The following SRGAP3 variants were observed in gnomAD, a reference collection of about 807,000 sequenced individuals.
SRGAP3 encodes SLIT-ROBO Rho GTPase activating protein 3, also known as SLIT-ROBO Rho GTPase-activating protein 3.
In SRGAP3, 39 loss-of-function variants were observed where a neutral mutation model predicts 121.1. The observed-to-expected ratio is 0.32, with a 90% CI of 0.25 to 0.42. The LOEUF (loss-of-function observed/expected upper bound fraction) is 0.42. Ranked by LOEUF, SRGAP3 falls within the 10% of genes least tolerant of loss-of-function variation. The pLI, the probability that SRGAP3 is intolerant of heterozygous loss-of-function variation, is 1.00. For missense variants in SRGAP3, 1,213 were observed against 1,470.6 expected, an observed-to-expected ratio of 0.82 and a Z score of 2.86; for synonymous variants, 601 against 570.0, an observed-to-expected ratio of 1.05 and a Z score of -0.77.
chr3:9,176,901 C>A (rs975430884), intron 1 of SRGAP3, among the ~76,000 whole-genome samples: 1 of 152,200 alleles, frequency 6.6e-6, no homozygotes, highest in Non-Finnish European at 1.5e-5. Context: ...GAGATTTGGG[C>A]AGGGACAAAT....
intron 1 of SRGAP3, among the ~76,000 whole-genome samples, chr3:9,131,433 C>CTTTTTTTT (rs869155697): frequency 5.5e-5 from 5 of 90,222 alleles, no homozygotes; most frequent in Non-Finnish European, 1.0e-4. Flanking sequence ...AGATCTAATT[C>CTTTTTTTT]TTTTTTTTTT....
At chr3:9,316,191 G>T (rs772531805) in intron 3 of SRGAP3, among the ~76,000 whole-genome samples, 2 of 151,964 alleles carry the variant, frequency 1.3e-5, no homozygotes, top group African/African-American at 4.8e-5. Flanking sequence ...TGGGATAACA[G>T]GCACACACCA....
chr3:9,361,061 T>C (rs929113380), intron 1 of SRGAP3, among the ~76,000 whole-genome samples: 2 of 152,188 alleles, frequency 1.3e-5, no homozygotes, highest in Admixed American at 6.5e-5. Flanking sequence ...TATTGGCCAT[T>C]TGTCCATCTT....
intron 1 of SRGAP3, among the ~76,000 whole-genome samples, chr3:9,175,095 A>C (rs1951129788): frequency 1.3e-5 from 2 of 152,152 alleles, no homozygotes; most frequent in Non-Finnish European, 2.9e-5. Context: ...CTGTCAGCCA[A>C]ACACCTAGGA....
At chr3:9,127,059 C>G (rs560590404) in intron 1 of SRGAP3, among the ~76,000 whole-genome samples, 1 of 152,118 alleles carries the variant, frequency 6.6e-6, no homozygotes, top group African/African-American at 2.4e-5. Flanking sequence ...CATGAGACCA[C>G]GTCTGTCATC....
At chr3:9,186,831 T>C (rs1275889702) in intron 1 of SRGAP3, among the ~76,000 whole-genome samples, 3 of 152,242 alleles carry the variant, frequency 2.0e-5, no homozygotes, top group South Asian at 4.1e-4. Context: ...CGGGGGCATC[T>C]GCTATTCTAC....
At chr3:9,021,415 G>A (rs886828535) in intron 14 of SRGAP3, among the ~76,000 whole-genome samples, 3 of 151,436 alleles carry the variant, frequency 2.0e-5, no homozygotes, top group Non-Finnish European at 4.4e-5. Context: ...TTCATGATGT[G>A]TTTTTTTTTC....
chr3:8,989,012 A>G (rs552812569), intron 21 of SRGAP3, among the ~76,000 whole-genome samples: 4 of 152,308 alleles, frequency 2.6e-5, no homozygotes, highest in Non-Finnish European at 4.4e-5. Context: ...TAAAGGTTTT[A>G]TAAGTCTTAC....
chr3:9,202,933 G>A (rs918639878), intron 1 of SRGAP3, among the ~76,000 whole-genome samples: 2 of 152,206 alleles, frequency 1.3e-5, no homozygotes, highest in African/African-American at 4.8e-5. Context: ...GTTGATGGGA[G>A]GGCATAAAAT....
chr3:9,031,958 T>C (rs776501108), intron 12 of SRGAP3, among the ~76,000 whole-genome samples: 1 of 152,204 alleles, frequency 6.6e-6, no homozygotes, highest in Non-Finnish European at 1.5e-5. Context: ...TGAGCCATTA[T>C]ATCTGATATG....
At chr3:9,044,679 C>G (rs968383172) in intron 10 of SRGAP3, among the ~76,000 whole-genome samples, 2 of 152,198 alleles carry the variant, frequency 1.3e-5, no homozygotes, top group Non-Finnish European at 2.9e-5. Context: ...AAAAAGGCCA[C>G]TGACGCAGCT....
At chr3:9,232,083 C>T (rs965798588) in intron 1 of SRGAP3, among the ~76,000 whole-genome samples, 1 of 152,196 alleles carries the variant, frequency 6.6e-6, no homozygotes, top group African/African-American at 2.4e-5. Flanking sequence ...GGAAAAACTT[C>T]CTCACTGCGT....
At chr3:9,354,080 T>C (rs1385532776) in intron 1 of SRGAP3, among the ~76,000 whole-genome samples, 1 of 152,024 alleles carries the variant, frequency 6.6e-6, no homozygotes, top group Non-Finnish European at 1.5e-5. Context: ...AAATTTAATG[T>C]AGAGGAACAA....
chr3:9,085,309 C>T (rs1383321569), intron 3 of SRGAP3, among the ~76,000 whole-genome samples: 1 of 152,218 alleles, frequency 6.6e-6, no homozygotes, highest in Non-Finnish European at 1.5e-5. Flanking sequence ...TCAACTCAGA[C>T]AGCTCTGAGG....
At chr3:9,348,709 G>A in intron 1 of SRGAP3, 1 of 1,205,108 alleles carries the variant, frequency 8.3e-7, no homozygotes. Context: ...TCAATGAGCA[G>A]CACTCTGGGG....
exon 2 of SRGAP3, chr3:9,330,547 C>G (rs147105036): frequency 0.02 from 3,197 of 159,012 alleles, 66 homozygotes; most frequent in Middle Eastern, 0.053. Context: ...TCACTCAGCA[C>G]TCCTGGGCGT....
At chr3:9,222,672 G>A (rs1015867175) in intron 1 of SRGAP3, among the ~76,000 whole-genome samples, 1 of 152,144 alleles carries the variant, frequency 6.6e-6, no homozygotes, top group East Asian at 1.9e-4. Context: ...CCTCTAACTG[G>A]CTAACTTATC....
chr3:9,305,361 CTCTT>C (rs1469521511), intron 3 of SRGAP3, among the ~76,000 whole-genome samples: 6 of 125,700 alleles, frequency 4.8e-5, no homozygotes, highest in Non-Finnish European at 8.3e-5. Flanking sequence ...AGGAGGTCCT[CTCTT>C]TTTTTTTTTT....
chr3:9,117,709 C>T (rs922435947), intron 2 of SRGAP3, among the ~76,000 whole-genome samples: 2 of 152,174 alleles, frequency 1.3e-5, no homozygotes, highest in Admixed American at 6.5e-5. Flanking sequence ...TCACCCCAAA[C>T]ACAGGGCACT....
Sources: gnomAD v4.1 joint callset for allele counts (sites outside exome capture counted in the v4.1 genomes callset) on GRCh38, gnomAD v4.1.1 for gene constraint, MANE v1.5 for transcripts, NCBI Gene and HGNC (gene_info 2026-07-23, HGNC 2026-07-21) for gene names.